ADCY5: variants seen among roughly 807,000 people sequenced by gnomAD.
ADCY5 encodes adenylate cyclase 5.
In ADCY5, 30 loss-of-function variants were observed where a neutral mutation model predicts 119.7. That is an observed-to-expected ratio of 0.25 (90% CI 0.19 to 0.34). The LOEUF is 0.34. ADCY5 is among the 10% of genes least tolerant of loss of function. ADCY5 has a pLI of 1.00. For missense variants in ADCY5, 1,324 were observed against 1,775.2 expected (o/e 0.75, Z 4.57); for synonymous variants, 753 against 762.2 (o/e 0.99, Z 0.20).
intron 7 of ADCY5, among the ~76,000 whole-genome samples, chr3:123,326,091 G>A (rs1244407146): frequency 3.3e-5 from 5 of 152,248 alleles, no homozygotes; most frequent in African/African-American, 4.8e-5. Context: ...GGAGGGAGAG[G>A]AGACCTGGGA....
chr3:123,438,210 T>C (rs1332484828), intron 1 of ADCY5, among the ~76,000 whole-genome samples: 1 of 152,186 alleles, frequency 6.6e-6, no homozygotes, highest in Admixed American at 6.5e-5. Flanking sequence ...CTTCGGAAAA[T>C]GGTGCTGGAG....
At chr3:123,388,901 G>A (rs983798027) in intron 1 of ADCY5, among the ~76,000 whole-genome samples, 15 of 152,294 alleles carry the variant, frequency 9.8e-5, no homozygotes, top group Admixed American at 5.2e-4. Context: ...GGAGAGAGAC[G>A]TGAGAGATGG....
chr3:123,432,382 GAC>G (rs1357444577), intron 1 of ADCY5, among the ~76,000 whole-genome samples: 1 of 152,152 alleles, frequency 6.6e-6, no homozygotes, highest in Non-Finnish European at 1.5e-5. Context: ...GGCAGGAAAA[GAC>G]ACCAGAAGAA....
In ADCY5 at chr3:123,304,177, G is replaced by A. The variant is rs557687418; in HGVS notation, c.2449C>T (p.Pro817Ser). 1.1e-5 allele frequency: 17 copies of A among 1,565,064 alleles called. No homozygotes were observed. In the East Asian group the frequency reaches 2.5e-4, roughly 23 times the overall value. The change falls in exon 13 of 21, where the codon CCC (proline) becomes TCC (serine). Residue 817 changes from proline to serine, a missense_variant. Pro to Ser is a moderately conservative substitution (Grantham distance 74). Transcript: ENST00000462833. ...CTGGAGAGGGTCTGCAGTGGGGAGGGGAAGAGCTAGGGTGGGGGCAGGGGT... is the reference window on the plus strand; with the variant it reads ...CTGGAGAGGGTCTGCAGTGGGGAGGAGAAGAGCTAGGGTGGGGGCAGGGGT... ...SVIYSCVKLFPSPLQTLSRKI... is the reference protein window; with the variant it reads ...SVIYSCVKLFSSPLQTLSRKI...
intron 1 of ADCY5, among the ~76,000 whole-genome samples, chr3:123,409,575 A>G (rs1009561866): frequency 2.6e-5 from 4 of 152,204 alleles, no homozygotes; most frequent in Non-Finnish European, 5.9e-5. Flanking sequence ...TATCTAGCAC[A>G]GTGGTTCTCC....
intron 1 of ADCY5, among the ~76,000 whole-genome samples, chr3:123,392,399 C>T (rs1944423186): frequency 1.3e-5 from 2 of 152,250 alleles, no homozygotes; most frequent in East Asian, 3.9e-4. Flanking sequence ...TACAAACCTG[C>T]CTGGGGTTCA....
intron 8 of ADCY5, among the ~76,000 whole-genome samples, chr3:123,324,034 G>A (rs1941353209): frequency 6.6e-6 from 1 of 152,122 alleles, no homozygotes; most frequent in Non-Finnish European, 1.5e-5. Flanking sequence ...CAGGTCTGTG[G>A]ACATTCAAGT....
At chr3:123,351,901 G>T (rs1032386836) in intron 2 of ADCY5, among the ~76,000 whole-genome samples, 2 of 152,236 alleles carry the variant, frequency 1.3e-5, no homozygotes, top group African/African-American at 4.8e-5. Context: ...GGTCTAGGAA[G>T]AGATGGGACT....
intron 1 of ADCY5, among the ~76,000 whole-genome samples, chr3:123,408,352 T>TG (rs199902992): frequency 2.1e-4 from 32 of 151,934 alleles, no homozygotes; most frequent in Admixed American, 2.1e-3. Flanking sequence ...TTTGTTTTTT[T>TG]TTTTTTTTTT....
At chr3:123,415,329 C>T (rs747740832) in intron 1 of ADCY5, among the ~76,000 whole-genome samples, 1 of 152,216 alleles carries the variant, frequency 6.6e-6, no homozygotes, top group African/African-American at 2.4e-5. Flanking sequence ...TCCCCCAGCT[C>T]CACGGTACAC....
At chr3:123,300,367 C>T (rs992061648) in intron 14 of ADCY5, 72 bp from the exon 15 acceptor site, 2 of 1,519,516 alleles carry the variant, frequency 1.3e-6, no homozygotes, top group Admixed American at 3.7e-5. Flanking sequence ...CATGCATCCT[C>T]CAGTCTGAGC....
chr3:123,412,680 T>A (rs531859083), intron 1 of ADCY5, among the ~76,000 whole-genome samples: 1 of 152,252 alleles, frequency 6.6e-6, no homozygotes, highest in Admixed American at 6.5e-5. Flanking sequence ...TCTGGTGATG[T>A]GGAAGCCTCT....
chr3:123,325,384 C>A lies in ADCY5; in HGVS notation c.2026G>T (p.Ala676Ser). 1 of 1,614,130 alleles carries A rather than the reference C, an allele frequency of 6.2e-7. No individual in the cohort carries two copies. The highest frequency in any genetic ancestry group is 2.2e-5 in the East Asian group (1 of 44,848). The change falls in exon 8 of 21, where the codon GCT (alanine) becomes TCT (serine). Residue 676 changes from alanine (A) to serine (S), a missense_variant. By Grantham distance (99) the Ala-to-Ser change is moderately conservative. Transcript: ENST00000462833. ...AGGTGGTTGTAGAAGGGGCGCTCAG[C>A]CCCCCAGTGTGGTGGGTTGTGCCCG... is the stretch of plus-strand genomic sequence containing the variant. ...SIGHNPPHWG[A>S]ERPFYNHLGG...
chr3:123,319,006 T>G (rs1176192739), intron 10 of ADCY5, among the ~76,000 whole-genome samples: 1 of 152,174 alleles, frequency 6.6e-6, no homozygotes, highest in South Asian at 2.1e-4. Flanking sequence ...ATAACAATAA[T>G]GCAAATAGCA....
chr3:123,326,952 A>G (rs960932203), intron 7 of ADCY5, among the ~76,000 whole-genome samples: 13 of 152,222 alleles, frequency 8.5e-5, no homozygotes, highest in Non-Finnish European at 1.9e-4. Context: ...GCTTTTCTCT[A>G]TCAAAGGGCA....
chr3:123,329,323 C>T (rs1941649217), intron 5 of ADCY5, among the ~76,000 whole-genome samples: 1 of 152,044 alleles, frequency 6.6e-6, no homozygotes, highest in African/African-American at 2.4e-5. Context: ...GTATGGCCTG[C>T]TCAGGAGGGA....
chr3:123,380,799 T>C (rs1177216471), intron 1 of ADCY5, among the ~76,000 whole-genome samples: 1 of 152,192 alleles, frequency 6.6e-6, no homozygotes, highest in East Asian at 1.9e-4. Context: ...TCAACATCAT[T>C]ACCGCTGAGA....
intron 1 of ADCY5, among the ~76,000 whole-genome samples, chr3:123,403,897 T>C (rs560686798): frequency 6.6e-6 from 1 of 152,328 alleles, no homozygotes; most frequent in South Asian, 2.1e-4. Flanking sequence ...GGACCTTCTC[T>C]GCTCTCTCCA....
chr3:123,290,193 C>A (rs965563536), intron 18 of ADCY5, among the ~76,000 whole-genome samples: 1 of 152,178 alleles, frequency 6.6e-6, no homozygotes, highest in African/African-American at 2.4e-5. Flanking sequence ...CCCACCCTCA[C>A]GCCAGGAGCC....
Sources: allele counts gnomAD v4.1 joint callset (sites outside exome capture counted in the v4.1 genomes callset), GRCh38; gene constraint gnomAD v4.1.1; transcripts MANE v1.5; gene names NCBI Gene and HGNC (gene_info 2026-07-23, HGNC 2026-07-21).